Variants in SNAP91 observed in about 807,000 individuals in gnomAD.
The protein encoded by SNAP91 is clathrin coat assembly protein AP180.
SNAP91 carries 27 observed loss-of-function variants against 100.3 expected under a neutral mutation model. That is an observed-to-expected ratio of 0.27 (90% CI 0.20 to 0.37). SNAP91 has a LOEUF of 0.37. Among genes scored for constraint, SNAP91 ranks in the 10% least tolerant of loss-of-function variants. The pLI is 1.00. For synonymous variants in SNAP91, 404 were observed against 398.6 expected, an observed-to-expected ratio of 1.01 and a Z score of -0.16; for missense variants, 986 against 1,123.7, an observed-to-expected ratio of 0.88 and a Z score of 1.75.
chr6:83,589,892 G>A (rs922135078), intron 22 of SNAP91, among the ~76,000 whole-genome samples: 2 of 152,126 alleles, frequency 1.3e-5, no homozygotes, highest in African/African-American at 4.8e-5. Context: ...TGCTGTACCT[G>A]GTGCCAGGAT....
intron 16 of SNAP91, among the ~76,000 whole-genome samples, chr6:83,599,671 T>C (rs577308011): frequency 1.1e-3 from 169 of 152,238 alleles, no homozygotes; most frequent in Non-Finnish European, 4.7e-4. Flanking sequence ...TGATTTAGAT[T>C]TGTGGAAGGA....
intron 25 of SNAP91, among the ~76,000 whole-genome samples, chr6:83,575,782 A>G (rs1448362882): frequency 1.3e-5 from 2 of 152,264 alleles, no homozygotes; most frequent in Admixed American, 1.3e-4. Context: ...ATTTCTAGAT[A>G]TAACTTAGTG....
chr6:83,638,048 A>G (rs1316959796), intron 8 of SNAP91, among the ~76,000 whole-genome samples: 1 of 152,120 alleles, frequency 6.6e-6, no homozygotes, highest in African/African-American at 2.4e-5. Flanking sequence ...AGGGGCCAGC[A>G]GGTGAGGGGG....
chr6:83,580,306 T>C, intron 24 of SNAP91, 144 bp downstream of exon 24: 1 of 793,452 alleles, frequency 1.3e-6, no homozygotes, highest in Non-Finnish European at 1.9e-6. Context: ...AAGCACTAAG[T>C]ATTTCTATTC....
chr6:83,707,691 G>T, intron 2 of SNAP91, 107 bp downstream of exon 2: 1 of 1,421,870 alleles, frequency 7.0e-7, no homozygotes, highest in Non-Finnish European at 9.5e-7. Flanking sequence ...AACCTGGCTG[G>T]GAGTATCAGA....
intron 26 of SNAP91, 134 bp downstream of exon 26, chr6:83,574,876 C>T (rs1322618402): frequency 3.5e-6 from 2 of 578,632 alleles, no homozygotes; most frequent in Middle Eastern, 4.4e-4. Context: ...GGCTGGAGTG[C>T]TACTTGCTTA....
At position 83,556,378 on chromosome 6, in the gene SNAP91, A is replaced by G. The variant is rs1373362106; in HGVS notation, c.2632-133T>C. The G allele has an allele frequency of 9.8e-6, 5 of 512,508 alleles. No homozygotes were observed. In the African/African-American group the frequency reaches 1.0e-4, roughly 10 times the overall value. The allele number at this position is 512,508 out of a possible 1,614,324, so 31.7% of individuals were successfully genotyped here. On this transcript the variant is annotated intron_variant, in intron 28 of 29. Transcript: ENST00000369694. ...GAGAGAGAGAGAGAGAGAGAGAGAG[A>G]GAGAGAGAGAGAGAGAGAAAAGCAT... is the stretch of plus-strand genomic sequence containing the variant.
intron 2 of SNAP91, among the ~76,000 whole-genome samples, chr6:83,705,721 G>A (rs760143925): frequency 5.9e-5 from 9 of 151,936 alleles, no homozygotes; most frequent in Non-Finnish European, 1.3e-4. Flanking sequence ...TGAGGCAGGA[G>A]AATCACTCGA....
chr6:83,656,416 T>G (rs986630551), intron 7 of SNAP91, among the ~76,000 whole-genome samples: 1 of 152,132 alleles, frequency 6.6e-6, no homozygotes, highest in African/African-American at 2.4e-5. Flanking sequence ...GAGTCCTCAG[T>G]TGGCCAACAC....
intron 2 of SNAP91, among the ~76,000 whole-genome samples, chr6:83,705,531 G>GC (rs2099364779): frequency 6.6e-6 from 1 of 152,124 alleles, no homozygotes; most frequent in African/African-American, 2.4e-5. Flanking sequence ...GACAGGGGAA[G>GC]TAGCAGCTCA....
chr6:83,667,276 A>G (rs2098703941), intron 2 of SNAP91, among the ~76,000 whole-genome samples: 3 of 152,074 alleles, frequency 2.0e-5, no homozygotes, highest in Admixed American at 2.0e-4. Context: ...GGAGAATTGT[A>G]GTGTAGTATC....
chr6:83,587,601 C>A (rs904377621), intron 22 of SNAP91, among the ~76,000 whole-genome samples: 14 of 152,086 alleles, frequency 9.2e-5, no homozygotes, highest in Non-Finnish European at 2.9e-5. Context: ...AGCTTCACTG[C>A]AAATTACTAC....
At chr6:83,582,694 G>A (rs1830159587) in intron 22 of SNAP91, among the ~76,000 whole-genome samples, 1 of 152,124 alleles carries the variant, frequency 6.6e-6, no homozygotes, top group Non-Finnish European at 1.5e-5. Flanking sequence ...TCATTACATT[G>A]AAATTTTATG....
intron 2 of SNAP91, among the ~76,000 whole-genome samples, chr6:83,699,539 C>T (rs572628642): frequency 2.8e-4 from 42 of 152,028 alleles, no homozygotes; most frequent in Middle Eastern, 6.8e-3. Context: ...TAGATTTATA[C>T]GGATGTAATA....
At chr6:83,569,713 T>C (rs1006960823) in intron 26 of SNAP91, among the ~76,000 whole-genome samples, 5 of 152,104 alleles carry the variant, frequency 3.3e-5, no homozygotes, top group Admixed American at 1.3e-4. Context: ...AATTGAATCA[T>C]GGGGGCAGGT....
intron 10 of SNAP91, among the ~76,000 whole-genome samples, chr6:83,616,511 C>G (rs1450932775): frequency 5.9e-5 from 9 of 151,980 alleles, no homozygotes; most frequent in African/African-American, 2.2e-4. Context: ...TATGCCATGC[C>G]TAATAGTTCA....
At chr6:83,636,371 T>G (rs919006080) in intron 8 of SNAP91, among the ~76,000 whole-genome samples, 1 of 152,220 alleles carries the variant, frequency 6.6e-6, no homozygotes, top group African/African-American at 2.4e-5. Context: ...GTAAAATTCC[T>G]TTTTTCTTTA....
Position 83,569,675 on chromosome 6 carries a change from T to A in SNAP91, c.2442+5335A>T, listed in dbSNP as rs550496284. Reference sequence around the variant, plus strand: ...ACCCAAGTCTCATCTTGAATTCCCATGTGTTGTGGGAGGGCCTGGTGGGAG... The same window carrying A: ...ACCCAAGTCTCATCTTGAATTCCCAAGTGTTGTGGGAGGGCCTGGTGGGAG... On this transcript the variant is annotated intron_variant, in intron 26 of 29. Coordinates refer to ENST00000369694, the MANE Select transcript of SNAP91 (RefSeq NM_001242792.2). 2.2e-4 allele frequency among the ~76,000 whole-genome samples: 33 copies of A among 152,276 alleles called. No individual in the cohort carries two copies. In the South Asian group the frequency reaches 6.8e-3, roughly 32 times the overall value.
At chr6:83,648,649 A>G (rs1454494333) in intron 7 of SNAP91, among the ~76,000 whole-genome samples, 3 of 152,180 alleles carry the variant, frequency 2.0e-5, no homozygotes, top group Non-Finnish European at 4.4e-5. Flanking sequence ...TTTTAATTTT[A>G]GTTGAGTCTA....
Sources: gnomAD v4.1 joint callset for allele counts (sites outside exome capture counted in the v4.1 genomes callset) on GRCh38, gnomAD v4.1.1 for gene constraint, MANE v1.5 for transcripts, NCBI Gene and HGNC (gene_info 2026-07-23, HGNC 2026-07-21) for gene names.